The following CAV1 variants were observed in gnomAD, a reference collection of about 807,000 sequenced individuals.
CAV1 encodes the protein caveolin-1.
In CAV1, 10 loss-of-function variants were observed where a neutral mutation model predicts 16.5. The observed-to-expected ratio is 0.61, with a 90% CI of 0.37 to 1.03. The LOEUF (loss-of-function observed/expected upper bound fraction) is 1.03, where lower values mean the gene tolerates loss of function less well. CAV1 is among the 50% of genes least tolerant of loss of function. CAV1 has a pLI of 0.01. For synonymous variants in CAV1, 76 were observed against 85.1 expected (o/e 0.89, Z 0.59); for missense variants, 212 against 232.8 (o/e 0.91, Z 0.58).
intron 2 of CAV1, among the ~76,000 whole-genome samples, chr7:116,538,730 A>G (rs1173192013): frequency 6.6e-6 from 1 of 152,234 alleles, no homozygotes; most frequent in Non-Finnish European, 1.5e-5. Context: ...TGATAAAGAC[A>G]TATCCGGGAT....
Position 116,526,622 on chromosome 7 carries a change from A to G in CAV1, c.128A>G (p.Asp43Gly). ...ADELSEKQVY[D>G]AHTKEIDLVN... Reference sequence around the variant, plus strand: ...GAGCTGAGCGAGAAGCAAGTGTACGACGCGCACACCAAGGAGATCGACCTG... The same window carrying G: ...GAGCTGAGCGAGAAGCAAGTGTACGGCGCGCACACCAAGGAGATCGACCTG... Residue 43 changes from aspartate to glycine, a missense_variant, in exon 2 of 3, where the codon GAC becomes GGC. By Grantham distance (94) the Asp-to-Gly change is moderately conservative (BLOSUM62 -1). Coordinates refer to ENST00000341049, the MANE Select transcript of CAV1 (RefSeq NM_001753.5). The G allele has an allele frequency of 6.2e-7, 1 of 1,614,118 alleles. No homozygotes were observed. Among genetic ancestry groups the G allele is most frequent in the Non-Finnish European group, 8.5e-7 (1 of 1,179,996 alleles).
intron 2 of CAV1, among the ~76,000 whole-genome samples, chr7:116,533,612 C>T (rs1340315870): frequency 1.3e-5 from 2 of 152,170 alleles, no homozygotes; most frequent in Admixed American, 1.3e-4. Context: ...CCACAATTCC[C>T]GGCTAATTGT....
chr7:116,553,429 A>T (rs1427612686), intron 2 of CAV1, among the ~76,000 whole-genome samples: 1 of 152,086 alleles, frequency 6.6e-6, no homozygotes, highest in African/African-American at 2.4e-5. Context: ...GTAAACTGTT[A>T]ACTCCTTATA....
rs778775814 is a variant in CAV1, at chr7:116,526,522, C to T, written c.31-3C>T. 7 of 1,613,824 alleles carry T rather than the reference C, an allele frequency of 4.3e-6. No individual in the cohort carries two copies. The Admixed American group carries it at 5.0e-5, about 12-fold the overall frequency. ...CTGGCCGTCCGCCCTCCGCCCTCTGCAGGGACATCTCTACACCGTTCCCAT... is the reference window on the plus strand; with the variant it reads ...CTGGCCGTCCGCCCTCCGCCCTCTGTAGGGACATCTCTACACCGTTCCCAT... On this transcript the variant is annotated splice_polypyrimidine_tract_variant and splice_region_variant and intron_variant, in intron 1 of 2. Transcript: ENST00000341049.
chr7:116,538,399 A>G (rs1215540984), intron 2 of CAV1, among the ~76,000 whole-genome samples: 2 of 152,252 alleles, frequency 1.3e-5, no homozygotes, highest in African/African-American at 2.4e-5. Flanking sequence ...GGTTCACTGT[A>G]TATCTTTTCT....
intron 2 of CAV1, among the ~76,000 whole-genome samples, chr7:116,553,580 A>G (rs1794205836): frequency 6.6e-6 from 1 of 152,022 alleles, no homozygotes; most frequent in Non-Finnish European, 1.5e-5. Flanking sequence ...GAATAGCTCA[A>G]CCTCATCTGA....
intron 1 of CAV1, chr7:116,525,926 G>A: frequency 1.2e-6 from 1 of 810,668 alleles, no homozygotes; most frequent in South Asian, 5.5e-5. Flanking sequence ...GGACAAGAGA[G>A]GGCCGAGGCA....
rs949825414 is a variant in CAV1 at position 116,525,055 on chromosome 7, G to A, written c.-8G>A. 3 of 1,614,074 alleles carry A rather than the reference G, an allele frequency of 1.9e-6. No homozygotes were observed. The highest frequency in any genetic ancestry group is 1.3e-5 in the African/African-American group (1 of 74,938). ...CTCCTCACAGTTTTCATCCAGCCACGGGCCAGCATGTCTGGGGGCAAATAC... is the reference window on the plus strand; with the variant it reads ...CTCCTCACAGTTTTCATCCAGCCACAGGCCAGCATGTCTGGGGGCAAATAC... On this transcript the variant is annotated 5_prime_UTR_variant, in exon 1 of 3. Transcript: ENST00000341049.
chr7:116,546,232 T>C (rs2116040529), intron 2 of CAV1, among the ~76,000 whole-genome samples: 1 of 152,304 alleles, frequency 6.6e-6, no homozygotes, highest in East Asian at 1.9e-4. Context: ...AATCAAGATA[T>C]GTACAGCCTG....
In CAV1 at chr7:116,560,841, C is replaced by T. The variant is rs1335542087; in HGVS notation, c.*1554C>T. 6.6e-6 allele frequency: 1 copy of T among 152,496 alleles called. No homozygotes were observed. Among genetic ancestry groups the T allele is most frequent in the Non-Finnish European group, 1.5e-5 (1 of 68,012 alleles). The allele number at this position is 152,496 out of a possible 1,614,324, so 9.4% of individuals were successfully genotyped here. ...ATTACCAACCTGTTACCTACTTTGA[C>T]TTTTTGCATTTAAAACAGACACTGG... On this transcript the variant is annotated 3_prime_UTR_variant, in exon 3 of 3. Coordinates refer to ENST00000341049, the MANE Select transcript of CAV1 (RefSeq NM_001753.5).
rs71544766 is a variant in CAV1, at chr7:116,555,586, A to G, written c.196-3360A>G. The stretch of plus-strand genomic sequence containing the variant: ...AAAGAAAGAAAGAAAGAAAGAAAGA[A>G]AGAAAGAAAGAAAGAAAGAGAAAGA... On this transcript the variant is annotated intron_variant, in intron 2 of 2. Transcript: ENST00000341049. Among the ~76,000 whole-genome samples, 112 of 104,038 alleles carry G rather than the reference A, an allele frequency of 1.1e-3. 2 individuals carry two copies. Among genetic ancestry groups the G allele is most frequent in the African/African-American group, 2.6e-3 (69 of 26,172 alleles). The allele number at this position is 104,038 out of a possible 152,430, so 68.3% of individuals were successfully genotyped here. A position where few individuals can be genotyped will look rare whatever the true frequency, so the allele number is the denominator to read the frequency against.
chr7:116,549,801 G>A (rs577810804), intron 2 of CAV1, among the ~76,000 whole-genome samples: 2 of 152,224 alleles, frequency 1.3e-5, no homozygotes, highest in African/African-American at 2.4e-5. Context: ...TAATTAACAT[G>A]TGCATAGTAC....
At chr7:116,546,155 G>A (rs548255384) in intron 2 of CAV1, among the ~76,000 whole-genome samples, 9 of 152,220 alleles carry the variant, frequency 5.9e-5, no homozygotes, top group Middle Eastern at 3.4e-3. Context: ...TCACTGTTCA[G>A]TGTCACTTGT....
In CAV1 at chr7:116,560,235, CTCA is replaced by C. The variant is rs1441969850; in HGVS notation, c.*952_*954del. ...TCCTGGAAGCCAGCTTTCCCTGCCTCTCATCAACTGAATGAGGTCAGCATGTCT... is the reference window on the plus strand; with the variant it reads ...TCCTGGAAGCCAGCTTTCCCTGCCTCTCAACTGAATGAGGTCAGCATGTCT... On this transcript the variant is annotated 3_prime_UTR_variant, in exon 3 of 3. Transcript: ENST00000341049. 1.1e-5 allele frequency: 2 copies of C among 176,822 alleles called. No homozygotes were observed. The highest frequency in any genetic ancestry group is 2.4e-5 in the Non-Finnish European group (2 of 84,818). 11.0% of individuals were successfully genotyped at this position (176,822 alleles called of 1,614,324 possible).
chr7:116,527,856 C>T (rs531090970), intron 2 of CAV1, among the ~76,000 whole-genome samples: 1 of 152,100 alleles, frequency 6.6e-6, no homozygotes, highest in South Asian at 2.1e-4. Context: ...ACAGTTTAAT[C>T]TGTAACTGGA....
chr7:116,528,224 C>T (rs925442465), intron 2 of CAV1, among the ~76,000 whole-genome samples: 3 of 151,924 alleles, frequency 2.0e-5, no homozygotes, highest in Non-Finnish European at 2.9e-5. Context: ...GCGAATCTCC[C>T]GGGATGAGTC....
intron 1 of CAV1, chr7:116,526,320 G>A (rs1382894649): frequency 1.4e-6 from 2 of 1,422,220 alleles, no homozygotes; most frequent in African/African-American, 2.8e-5. Context: ...GGTGTCCTCT[G>A]CGAGATCCTC....
At chr7:116,531,732 G>A (rs1793690514) in intron 2 of CAV1, among the ~76,000 whole-genome samples, 1 of 152,104 alleles carries the variant, frequency 6.6e-6, no homozygotes, top group Non-Finnish European at 1.5e-5. Flanking sequence ...AGATTGTCTC[G>A]GCACCATGTT....
intron 2 of CAV1, among the ~76,000 whole-genome samples, chr7:116,539,525 C>A (rs1365257674): frequency 1.3e-5 from 2 of 151,942 alleles, no homozygotes; most frequent in Non-Finnish European, 2.9e-5. Flanking sequence ...TCCCTATTGG[C>A]CATATTTGAA....
Sources: allele counts gnomAD v4.1 joint callset (sites outside exome capture counted in the v4.1 genomes callset), GRCh38; gene constraint gnomAD v4.1.1; transcripts MANE v1.5; gene names NCBI Gene and HGNC (gene_info 2026-07-23, HGNC 2026-07-21).